ANKS1A: variants seen among roughly 807,000 people sequenced by gnomAD.
The protein encoded by ANKS1A is ankyrin repeat and SAM domain-containing protein 1A.
A neutral mutation model predicts 120.3 loss-of-function variants in ANKS1A; 55 were observed. That is an observed-to-expected ratio of 0.46 (90% CI 0.37 to 0.57). The LOEUF (loss-of-function observed/expected upper bound fraction) is 0.57. ANKS1A is among the 20% of genes least tolerant of loss of function. The probability of loss-of-function intolerance (pLI) is 0.00; values close to 1 mark genes in which losing one functional copy is unlikely to be tolerated. For missense variants in ANKS1A, 1,123 were observed against 1,480.3 expected (o/e 0.76, Z 3.96); for synonymous variants, 590 against 604.7 (o/e 0.98, Z 0.36).
At chr6:34,917,739 G>A (rs780721375) in intron 1 of ANKS1A, among the ~76,000 whole-genome samples, 3 of 152,164 alleles carry the variant, frequency 2.0e-5, no homozygotes, top group African/African-American at 7.2e-5. Flanking sequence ...CCTAAGACCC[G>A]AAGGCCTATG....
downstream of ANKS1A, among the ~76,000 whole-genome samples, chr6:35,091,686 T>A (rs1237166014): frequency 6.6e-6 from 1 of 152,230 alleles, no homozygotes; most frequent in East Asian, 1.9e-4. Context: ...TAGTTACTGC[T>A]GCAGTGGCAT....
At chr6:35,070,024 CAA>C (rs10667602) in intron 13 of ANKS1A, among the ~76,000 whole-genome samples, 1,649 of 95,484 alleles carry the variant, frequency 0.017, 28 homozygotes, top group African/African-American at 0.059. Flanking sequence ...AAGACTCTGT[CAA>C]AAAAAAAAAA....
Position 35,000,886 on chromosome 6 carries a change from A to C in ANKS1A, c.1423+6464A>C, listed in dbSNP as rs1056019240. 3.3e-5 allele frequency among the ~76,000 whole-genome samples: 5 copies of C among 152,328 alleles called. No homozygotes were observed. The East Asian group carries it at 9.6e-4, about 29-fold the overall frequency. On this transcript the variant is annotated intron_variant, in intron 10 of 23. Coordinates refer to ENST00000360359, the MANE Select transcript of ANKS1A (RefSeq NM_015245.3). ...AAGTTTTAAAATGTTAATTGTAAAA[A>C]AAAAAATTCTGTGTGTAAACATGTT...
intron 11 of ANKS1A, among the ~76,000 whole-genome samples, chr6:35,018,452 G>A (rs1774157792): frequency 6.6e-6 from 1 of 152,156 alleles, no homozygotes; most frequent in Non-Finnish European, 1.5e-5. Flanking sequence ...TCCAGGGTTA[G>A]TTGAGAGGTG....
intron 3 of ANKS1A, among the ~76,000 whole-genome samples, chr6:34,974,836 G>C (rs553530338): frequency 6.6e-6 from 1 of 152,178 alleles, no homozygotes; most frequent in African/African-American, 2.4e-5. Flanking sequence ...TGTATGTAAT[G>C]TATTTCTGCA....
At chr6:35,079,463 CCCTCT>C in intron 14 of ANKS1A, 48 bp from the exon 15 acceptor site, 4 of 1,604,142 alleles carry the variant, frequency 2.5e-6, no homozygotes, top group Non-Finnish European at 3.4e-6. Flanking sequence ...GTCCTCGGGT[CCCTCT>C]CCTGTGAGTG....
intron 13 of ANKS1A, among the ~76,000 whole-genome samples, chr6:35,066,302 C>CA (rs1776773948): frequency 6.6e-6 from 1 of 152,150 alleles, no homozygotes. Context: ...GGTTTTGTCT[C>CA]AGTCTTGTCC....
chr6:34,947,696 G>T (rs571954081), intron 1 of ANKS1A, among the ~76,000 whole-genome samples: 3 of 152,310 alleles, frequency 2.0e-5, no homozygotes, highest in African/African-American at 7.2e-5. Context: ...TCTGATTCTA[G>T]AACTGGTTGC....
intron 11 of ANKS1A, among the ~76,000 whole-genome samples, chr6:35,034,777 A>C (rs1232857976): frequency 6.6e-6 from 1 of 152,242 alleles, no homozygotes; most frequent in Non-Finnish European, 1.5e-5. Flanking sequence ...GGTCAGAGGC[A>C]GTCAGATCTA....
At chr6:34,950,949 C>G (rs1770065701) in intron 1 of ANKS1A, among the ~76,000 whole-genome samples, 1 of 152,212 alleles carries the variant, frequency 6.6e-6, no homozygotes, top group Non-Finnish European at 1.5e-5. Context: ...CAAGCAGAGT[C>G]TTTGCCAGTG....
At position 35,017,910 on chromosome 6, in the gene ANKS1A, C is replaced by T. The variant is rs145890019; in HGVS notation, c.1861C>T (p.Arg621Cys). 12 of 1,614,104 alleles carry T rather than the reference C, an allele frequency of 7.4e-6. No individual in the cohort carries two copies. The highest frequency in any genetic ancestry group is 1.7e-5 in the Admixed American group (1 of 60,004). The change falls in exon 11 of 24, where the codon CGC becomes TGC. Residue 621 changes from arginine to cysteine, a missense_variant. Coordinates refer to ENST00000360359, the MANE Select transcript of ANKS1A (RefSeq NM_015245.3). Reference sequence around the variant, plus strand: ...ACCCAAAGCTGAACTCAAACTCAGCCGCAGCTTGTCCAAGTCTGACTCTGA... The same window carrying T: ...ACCCAAAGCTGAACTCAAACTCAGCTGCAGCTTGTCCAAGTCTGACTCTGA... Reference protein sequence around the residue: ...SKPKAELKLSRSLSKSDSDLL... With the variant: ...SKPKAELKLSCSLSKSDSDLL...
intron 10 of ANKS1A, among the ~76,000 whole-genome samples, chr6:35,016,581 T>G (rs989032373): frequency 2.6e-5 from 4 of 152,168 alleles, no homozygotes; most frequent in Non-Finnish European, 5.9e-5. Flanking sequence ...TGTACAGTAG[T>G]AGCTGGCCTC....
intron 9 of ANKS1A, among the ~76,000 whole-genome samples, chr6:34,991,905 G>T (rs1402568701): frequency 6.6e-6 from 1 of 151,042 alleles, no homozygotes; most frequent in Non-Finnish European, 1.5e-5. Context: ...AATCCTTTCT[G>T]TTGAAAATCA....
chr6:35,027,545 G>T (rs1774690956), intron 11 of ANKS1A, among the ~76,000 whole-genome samples: 1 of 152,210 alleles, frequency 6.6e-6, no homozygotes, highest in Non-Finnish European at 1.5e-5. Flanking sequence ...TGTGGTCAGA[G>T]TGGCAGCCAG....
chr6:34,991,603 C>T (rs538055226), intron 9 of ANKS1A, among the ~76,000 whole-genome samples: 7 of 147,652 alleles, frequency 4.7e-5, no homozygotes, highest in Admixed American at 1.4e-4. Context: ...TATATACACA[C>T]ATATATATAC....
At chr6:35,014,868 T>C (rs1773923040) in intron 10 of ANKS1A, among the ~76,000 whole-genome samples, 1 of 152,216 alleles carries the variant, frequency 6.6e-6, no homozygotes, top group African/African-American at 2.4e-5. Flanking sequence ...TACAGCCTGA[T>C]TAACTCTCCC....
chr6:34,901,615 A>G (rs1030594590), intron 1 of ANKS1A, among the ~76,000 whole-genome samples: 4 of 152,204 alleles, frequency 2.6e-5, no homozygotes, highest in African/African-American at 7.2e-5. Context: ...GGCTCAAGCA[A>G]TCTTCCCACC....
rs759122116 is a variant in ANKS1A, at chr6:34,984,023, T to C, written c.1012+598T>C. ...GTTGGCCAGGCTGGCCTCGAACTCC[T>C]GACCTTGAGATTTGCCTGCCTCAGC... is the stretch of plus-strand genomic sequence containing the variant. On this transcript the variant is annotated intron_variant, in intron 7 of 23. Transcript: ENST00000360359. Among the ~76,000 whole-genome samples the C allele has an allele frequency of 3.3e-4, 50 of 152,110 alleles. 1 individual carries two copies. Among genetic ancestry groups the C allele is most frequent in the Admixed American group, 3.1e-3 (48 of 15,280 alleles).
At chr6:34,914,357 T>C (rs572892647) in intron 1 of ANKS1A, among the ~76,000 whole-genome samples, 27 of 139,566 alleles carry the variant, frequency 1.9e-4, no homozygotes, top group African/African-American at 4.8e-4. Context: ...TTAAAAACAT[T>C]AGAATTTAAA....
Sources: gnomAD v4.1 joint callset for allele counts (sites outside exome capture counted in the v4.1 genomes callset) on GRCh38, gnomAD v4.1.1 for gene constraint, MANE v1.5 for transcripts, NCBI Gene and HGNC (gene_info 2026-07-23, HGNC 2026-07-21) for gene names.